The following ARHGEF11 variants were observed in gnomAD, a reference collection of about 807,000 sequenced individuals.
ARHGEF11 encodes Rho guanine nucleotide exchange factor 11.
ARHGEF11 carries 55 observed loss-of-function variants against 193.7 expected under a neutral mutation model. The observed-to-expected ratio is 0.28, with a 90% CI of 0.23 to 0.36. ARHGEF11 has a LOEUF of 0.36. Ranked by LOEUF, ARHGEF11 falls within the 10% of genes least tolerant of loss-of-function variation. The pLI, the probability that ARHGEF11 is intolerant of heterozygous loss-of-function variation, is 1.00. For synonymous variants in ARHGEF11, 693 were observed against 768.0 expected (o/e 0.90, Z 1.62); for missense variants, 1,723 against 2,005.6 (o/e 0.86, Z 2.69).
chr1:156,952,448 T>C (rs555555226), intron 21 of ARHGEF11, among the ~76,000 whole-genome samples: 1 of 152,282 alleles, frequency 6.6e-6, no homozygotes, highest in South Asian at 2.1e-4. Flanking sequence ...GAATTCACCT[T>C]CAAGTCAACT....
chr1:157,007,299 T>A lies in ARHGEF11; in HGVS notation c.33-21126A>T, dbSNP rs1667945348. Among the ~76,000 whole-genome samples, 4 of 151,630 alleles carry A rather than the reference T, an allele frequency of 2.6e-5. No homozygotes were observed. The South Asian group carries it at 8.4e-4, about 32-fold the overall frequency. ...GGATAGATGGTTATATGGAAAGATG[T>A]GGAAAAAGGAAAGAGAAACCAGCAA... On this transcript the variant is annotated intron_variant, in intron 1 of 40. Transcript: ENST00000368194.
At chr1:157,013,263 T>TCACACACA (rs71084208) in intron 1 of ARHGEF11, among the ~76,000 whole-genome samples, 1,826 of 140,744 alleles carry the variant, frequency 0.013, 43 homozygotes, top group African/African-American at 0.04. Context: ...CCACTATCAC[T>TCACACACA]CACACACACA....
chr1:157,021,607 T>C (rs1427243939), intron 1 of ARHGEF11, among the ~76,000 whole-genome samples: 3 of 152,208 alleles, frequency 2.0e-5, no homozygotes, highest in Admixed American at 6.5e-5. Flanking sequence ...CTGTGGGTTA[T>C]AGATGCTAAA....
At chr1:157,014,446 T>A (rs1040578298) in intron 1 of ARHGEF11, among the ~76,000 whole-genome samples, 2 of 152,148 alleles carry the variant, frequency 1.3e-5, no homozygotes, top group Non-Finnish European at 2.9e-5. Flanking sequence ...CTTGCTCTGT[T>A]GTCCAGGCTG....
At chr1:156,943,415 T>C (rs185099220) in intron 32 of ARHGEF11, among the ~76,000 whole-genome samples, 1 of 152,148 alleles carries the variant, frequency 6.6e-6, no homozygotes, top group East Asian at 1.9e-4. Context: ...CCACAAGAGG[T>C]AGGGTAGGTA....
chr1:156,959,181 A>T, intron 15 of ARHGEF11, 39 bp from the exon 16 acceptor site: 1 of 1,577,566 alleles, frequency 6.3e-7, no homozygotes, highest in Non-Finnish European at 8.7e-7. Flanking sequence ...TGGATGGGGT[A>T]CTGGGGGTGG....
chr1:157,027,780 C>T (rs986175967), intron 1 of ARHGEF11, among the ~76,000 whole-genome samples: 1 of 152,150 alleles, frequency 6.6e-6, no homozygotes, highest in Non-Finnish European at 1.5e-5. Flanking sequence ...ACTAACAGAC[C>T]CCCAAGGCTA....
intron 15 of ARHGEF11, 80 bp downstream of exon 15, chr1:156,960,338 T>G: frequency 7.0e-7 from 1 of 1,426,162 alleles, no homozygotes; most frequent in South Asian, 1.2e-5. Context: ...ACTATGTCCC[T>G]TCTGTCCTCT....
At chr1:156,966,385 CA>C (rs1661670077) in intron 11 of ARHGEF11, among the ~76,000 whole-genome samples, 3 of 152,208 alleles carry the variant, frequency 2.0e-5, no homozygotes, top group African/African-American at 7.2e-5. Context: ...AGAAGTTTCA[CA>C]AAATACTTTT....
chr1:156,978,365 G>A lies in ARHGEF11; in HGVS notation c.349C>T (p.Leu117Phe). ...KLIKSGAYVA[L>F]TLLGSSPSSM... The stretch of plus-strand genomic sequence containing the variant: ...GAAGGTGAAGAGCCCAGGAGGGTGA[G>A]TGCGACATAGGCGCCAGCTAGAGGG... Residue 117 changes from leucine to phenylalanine, a missense_variant, in exon 6 of 41, where the codon CTC (leucine) becomes TTC (phenylalanine). Physicochemically the swap from Leu to Phe is conservative, Grantham distance 22. Around this residue, in one of 5 missense-constraint regions of ARHGEF11, gnomAD observed 646 missense variants for 710.7 expected, o/e 0.91. Coordinates refer to ENST00000368194, the MANE Select transcript of ARHGEF11 (RefSeq NM_198236.3). 6.2e-7 allele frequency: 1 copy of A among 1,605,266 alleles called. No homozygotes were observed. Among genetic ancestry groups the A allele is most frequent in the Non-Finnish European group, 8.5e-7 (1 of 1,175,506 alleles).
chr1:157,024,377 T>C (rs1276361738), intron 1 of ARHGEF11, among the ~76,000 whole-genome samples: 5 of 152,150 alleles, frequency 3.3e-5, no homozygotes, highest in African/African-American at 7.2e-5. Flanking sequence ...TGCACGACCT[T>C]AGGTGAATCT....
At chr1:157,022,002 T>C (rs960124747) in intron 1 of ARHGEF11, among the ~76,000 whole-genome samples, 1 of 152,146 alleles carries the variant, frequency 6.6e-6, no homozygotes, top group Non-Finnish European at 1.5e-5. Flanking sequence ...AACACCCTTT[T>C]ACAATAAAAA....
chr1:157,018,582 T>C (rs541826935), intron 1 of ARHGEF11, among the ~76,000 whole-genome samples: 13 of 151,132 alleles, frequency 8.6e-5, no homozygotes, highest in Non-Finnish European at 1.5e-4. Context: ...GAGGCGGAGG[T>C]TGCAGTGAGC....
intron 1 of ARHGEF11, among the ~76,000 whole-genome samples, chr1:157,036,206 C>CATATATGAATACATATATGA (rs1557992107): frequency 7.1e-6 from 1 of 140,432 alleles, no homozygotes; most frequent in African/African-American, 2.8e-5. Context: ...AATATATATA[C>CATATATGAATACATATATGA]ATATATATAT....
intron 7 of ARHGEF11, among the ~76,000 whole-genome samples, chr1:156,972,244 C>T (rs74116947): frequency 0.024 from 3,698 of 152,306 alleles, 146 homozygotes; most frequent in African/African-American, 0.084. Flanking sequence ...CTACAACAGC[C>T]AATGCCTGTG....
At chr1:156,980,616 G>A in intron 3 of ARHGEF11, 130 bp from the exon 4 acceptor site, 1 of 1,027,466 alleles carries the variant, frequency 9.7e-7, no homozygotes, top group Non-Finnish European at 1.5e-6. Flanking sequence ...TCAAATTCTG[G>A]GTGTACTTCC....
At chr1:156,967,781 T>C (rs187140870) in intron 11 of ARHGEF11, 310 of 655,122 alleles carry the variant, frequency 4.7e-4, no homozygotes, top group Non-Finnish European at 4.3e-4. Context: ...CACATAGAAA[T>C]GGAGCCAGCC....
chr1:156,971,770 T>G lies in ARHGEF11; in HGVS notation c.629A>C (p.Glu210Ala), dbSNP rs779478482. Residue 210 changes from glutamate (E) to alanine (A), a missense_variant, in exon 8 of 41, where the codon GAG (glutamate) becomes GCG (alanine). Physicochemically the swap from Glu to Ala is moderately radical, Grantham distance 107 (BLOSUM62 -1). Coordinates refer to ENST00000368194, the MANE Select transcript of ARHGEF11 (RefSeq NM_198236.3). ...YSRNPASLLE[E>A]QIEGARRRVT... ...TCGCCGCCGGGCACCTTCGATCTGC[T>G]CTTCCAGTAGGCTGGCGGGGTTCCG... 9.9e-6 allele frequency: 16 copies of G among 1,613,764 alleles called. No individual in the cohort carries two copies. The Middle Eastern group carries it at 4.9e-4, about 50-fold the overall frequency.
Position 156,946,039 on chromosome 1 carries a change from T to C in ARHGEF11, c.2812+6A>G. ...CCTGTGATGCCAGCCCCTCCCCAGGTGCTACCCTCTGTGTGCTTGATGATG... is the reference window on the plus strand; with the variant it reads ...CCTGTGATGCCAGCCCCTCCCCAGGCGCTACCCTCTGTGTGCTTGATGATG... On this transcript the variant is annotated splice_donor_region_variant and intron_variant, in intron 29 of 40. Transcript: ENST00000368194. 1 of 1,609,510 alleles carries C rather than the reference T, an allele frequency of 6.2e-7. No homozygotes were observed. Among genetic ancestry groups the C allele is most frequent in the Non-Finnish European group, 8.5e-7 (1 of 1,176,662 alleles).
Sources: gnomAD v4.1 joint callset for allele counts (sites outside exome capture counted in the v4.1 genomes callset) on GRCh38, gnomAD v4.1.1 for gene constraint, gnomAD v4.1.1 regional missense constraint, MANE v1.5 for transcripts, NCBI Gene and HGNC (gene_info 2026-07-23, HGNC 2026-07-21) for gene names.